Variants in MNAT1 observed in about 807,000 individuals in gnomAD.
The protein encoded by MNAT1 is MNAT1 component of CDK activating kinase.
MNAT1 carries 43 observed loss-of-function variants against 42.0 expected under a neutral mutation model. That is an observed-to-expected ratio of 1.02 (90% CI 0.80 to 1.32). The LOEUF is 1.32. MNAT1 is among the 40% of genes most tolerant of loss of function. MNAT1 has a pLI of 0.00. For missense variants in MNAT1, 306 were observed against 350.4 expected (o/e 0.87, Z 1.01); for synonymous variants, 118 against 120.0 (o/e 0.98, Z 0.11).
chr14:60,922,234 T>C (rs2035676339), intron 7 of MNAT1, among the ~76,000 whole-genome samples: 1 of 152,176 alleles, frequency 6.6e-6, no homozygotes, highest in South Asian at 2.1e-4. Flanking sequence ...CTTTTGGCAG[T>C]GAGTCAGAAT....
chr14:60,954,023 T>G (rs1431509137), intron 7 of MNAT1, among the ~76,000 whole-genome samples: 2 of 152,188 alleles, frequency 1.3e-5, no homozygotes, highest in Non-Finnish European at 2.9e-5. Flanking sequence ...ATTTTGTATA[T>G]TAGCCCCTTT....
intron 1 of MNAT1, among the ~76,000 whole-genome samples, chr14:60,754,261 T>TA (rs1275578532): frequency 2.0e-5 from 3 of 152,108 alleles, no homozygotes; most frequent in Non-Finnish European, 4.4e-5. Flanking sequence ...TCATCTTTAT[T>TA]AAAACAAAAG....
chr14:60,786,386 TG>T (rs1416604119), intron 1 of MNAT1, among the ~76,000 whole-genome samples: 2 of 152,148 alleles, frequency 1.3e-5, no homozygotes, highest in African/African-American at 4.8e-5. Flanking sequence ...TGCATTCCTT[TG>T]AGTTCATTTG....
At chr14:60,930,687 G>A (rs1020335341) in intron 7 of MNAT1, among the ~76,000 whole-genome samples, 6 of 152,134 alleles carry the variant, frequency 3.9e-5, no homozygotes, top group African/African-American at 7.2e-5. Flanking sequence ...AGAACATTCC[G>A]TCAGAACAGA....
chr14:60,844,381 G>A (rs1218154044), intron 6 of MNAT1, among the ~76,000 whole-genome samples: 2 of 151,960 alleles, frequency 1.3e-5, no homozygotes, highest in East Asian at 1.9e-4. Context: ...TTTATTTAGG[G>A]CCTCTTTATC....
chr14:60,828,771 C>T (rs903345128), intron 6 of MNAT1, among the ~76,000 whole-genome samples: 3 of 152,134 alleles, frequency 2.0e-5, no homozygotes, highest in Admixed American at 6.5e-5. Flanking sequence ...AAGGTTCCCA[C>T]GATCCCTTCC....
At chr14:60,777,953 C>T (rs935327973) in intron 1 of MNAT1, among the ~76,000 whole-genome samples, 3 of 152,138 alleles carry the variant, frequency 2.0e-5, no homozygotes, top group African/African-American at 4.8e-5. Flanking sequence ...TGGAGCAAAC[C>T]AGAGCAGTCT....
chr14:60,817,714 TAAC>T (rs1263931665), intron 5 of MNAT1, among the ~76,000 whole-genome samples: 1 of 152,078 alleles, frequency 6.6e-6, no homozygotes, highest in Non-Finnish European at 1.5e-5. Context: ...TGTGAAATGT[TAAC>T]AATAGAGTTT....
At chr14:60,765,829 T>A (rs183427862) in intron 1 of MNAT1, among the ~76,000 whole-genome samples, 1 of 152,316 alleles carries the variant, frequency 6.6e-6, no homozygotes, top group African/African-American at 2.4e-5. Flanking sequence ...GTTGTGACTC[T>A]AGCAGAGGTT....
At chr14:60,790,733 G>A (rs773441265) in intron 1 of MNAT1, among the ~76,000 whole-genome samples, 10 of 152,110 alleles carry the variant, frequency 6.6e-5, no homozygotes, top group Admixed American at 3.3e-4. Context: ...GATTCACAGG[G>A]TAATGGTGAA....
intron 7 of MNAT1, among the ~76,000 whole-genome samples, chr14:60,891,891 A>AT (rs1281253066): frequency 2.0e-5 from 3 of 151,274 alleles, no homozygotes; most frequent in Non-Finnish European, 4.4e-5. Flanking sequence ...TTTCCTTGCG[A>AT]TTTTTTTTGA....
chr14:60,963,579 C>T (rs1037532121), intron 7 of MNAT1, among the ~76,000 whole-genome samples: 4 of 152,106 alleles, frequency 2.6e-5, no homozygotes, highest in African/African-American at 7.2e-5. Flanking sequence ...CCTACAAGAG[C>T]TGTGGGTCTT....
chr14:60,806,925 G>A (rs913698021), intron 3 of MNAT1, among the ~76,000 whole-genome samples: 21 of 152,200 alleles, frequency 1.4e-4, no homozygotes, highest in African/African-American at 5.1e-4. Flanking sequence ...CCCTCTGACT[G>A]TTTTGTGTCA....
chr14:60,920,021 G>T, intron 7 of MNAT1: 1 of 153,490 alleles, frequency 6.5e-6, no homozygotes, highest in South Asian at 1.8e-4. Context: ...CTAGTACTGT[G>T]AGCACTGGTC....
chr14:60,767,529 C>A (rs775964960), intron 1 of MNAT1, among the ~76,000 whole-genome samples: 2 of 151,808 alleles, frequency 1.3e-5, no homozygotes, highest in African/African-American at 4.8e-5. Flanking sequence ...ATCTGTGAGA[C>A]CCTTCCGGGT....
chr14:60,779,723 T>C (rs1197662674), intron 1 of MNAT1, among the ~76,000 whole-genome samples: 1 of 151,466 alleles, frequency 6.6e-6, no homozygotes, highest in African/African-American at 2.4e-5. Flanking sequence ...GAGGTGGAGA[T>C]TGCAGTGAGC....
chr14:60,881,064 G>A (rs1355694935), intron 7 of MNAT1, among the ~76,000 whole-genome samples: 2 of 152,108 alleles, frequency 1.3e-5, no homozygotes, highest in Non-Finnish European at 2.9e-5. Flanking sequence ...TGAAGTTCAC[G>A]TGTTTAAAAT....
chr14:60,786,724 G>C (rs548169985), intron 1 of MNAT1, among the ~76,000 whole-genome samples: 2 of 152,274 alleles, frequency 1.3e-5, no homozygotes, highest in Admixed American at 1.3e-4. Flanking sequence ...CTTGGCTTAA[G>C]AGAAGAAAAC....
At chr14:60,866,645 C>T (rs2025967) in intron 6 of MNAT1, among the ~76,000 whole-genome samples, 99,663 of 151,808 alleles carry the variant, frequency 0.66, 33,067 homozygotes, top group Admixed American at 0.72. Flanking sequence ...AAAGTAATTG[C>T]ATGTGACCAC....
Sources: allele counts gnomAD v4.1 joint callset (sites outside exome capture counted in the v4.1 genomes callset), GRCh38; gene constraint gnomAD v4.1.1; transcripts MANE v1.5; gene names NCBI Gene and HGNC (gene_info 2026-07-23, HGNC 2026-07-21).